Variants in RP1 observed in about 807,000 individuals in gnomAD.
RP1 encodes oxygen-regulated protein 1.
A neutral mutation model predicts 14.8 loss-of-function variants in RP1; 16 were observed. The ratio of observed to expected loss-of-function variants is 1.08; its 90% CI spans 0.73 to 1.65. The LOEUF is 1.65. Among genes scored for constraint, RP1 ranks in the 40% most tolerant of loss-of-function variants. RP1 has a pLI of 0.00. For missense variants in RP1, 2,631 were observed against 2,535.0 expected (o/e 1.04, Z -0.81); for synonymous variants, 876 against 883.6 (o/e 0.99, Z 0.15).
intron 19 of RP1, among the ~76,000 whole-genome samples, chr8:54,747,320 C>G (rs751584168): frequency 6.6e-6 from 1 of 152,190 alleles, no homozygotes; most frequent in Non-Finnish European, 1.5e-5. Context: ...CTGGTCTTCT[C>G]CTGCTTTAGA....
In RP1 at chr8:54,852,524, A is replaced by G. The variant is rs1812080101; in HGVS notation, c.3836-50A>G. The G allele has an allele frequency of 1.7e-6, 2 of 1,167,324 alleles. 1 individual carries two copies. The highest frequency in any genetic ancestry group is 8.7e-5 in the South Asian group (2 of 22,988). 72.3% of individuals were successfully genotyped at this position (1,167,324 alleles called of 1,614,324 possible). On this transcript the variant is annotated intron_variant, in intron 25 of 28. Transcript: ENST00000637698. ...CTTGCAGAATATCTAACTACATTCA[A>G]AGAGATAAATAAAAATGAGAAAGAT...
Position 54,629,813 on chromosome 8 carries a change from A to G in RP1, c.5931A>G (p.Arg1977=). 1.2e-6 allele frequency: 2 copies of G among 1,612,662 alleles called. No individual in the cohort carries two copies. The highest frequency in any genetic ancestry group is 1.1e-5 in the South Asian group (1 of 90,686). The part of the protein sequence containing the change: ...FREENNKASM[R]QNLIDNAIGD... The stretch of plus-strand genomic sequence containing the variant: ...AAGAGAACAATAAAGCAAGTATGAG[A>G]CAAAATCTTATTGATAATGCCATTG... The change falls in exon 4 of 4, where the codon AGA becomes AGG. Residue 1977 remains arginine, a synonymous_variant. Coordinates refer to ENST00000220676, the MANE Select transcript of RP1 (RefSeq NM_006269.2).
At chr8:54,861,590 A>ATTCTTTTTTTCTTTTCTT (rs1812343723) in intron 27 of RP1, among the ~76,000 whole-genome samples, 2 of 152,080 alleles carry the variant, frequency 1.3e-5, no homozygotes, top group Non-Finnish European at 2.9e-5. Flanking sequence ...TGAAATAAAC[A>ATTCTTTTTTTCTTTTCTT]TTCTTTTTTT....
chr8:54,567,269 T>C (rs73679482), intron 1 of RP1, among the ~76,000 whole-genome samples: 372 of 152,320 alleles, frequency 2.4e-3, no homozygotes, highest in African/African-American at 8.7e-3. Context: ...ACTGTTACCA[T>C]CAGCTAAGGG....
At chr8:54,772,684 C>T (rs1291616693), downstream of RP1, among the ~76,000 whole-genome samples, 6 of 152,160 alleles carry the variant, frequency 3.9e-5, no homozygotes, top group African/African-American at 1.2e-4. Context: ...TGCCTAAAGT[C>T]ACACAAACAG....
At chr8:54,636,707 C>T (rs1806353072) in intron 3 of RP1, among the ~76,000 whole-genome samples, 1 of 152,152 alleles carries the variant, frequency 6.6e-6, no homozygotes, top group African/African-American at 2.4e-5. Context: ...CACTGTACCC[C>T]AGCCTGGGCG....
chr8:54,730,400 T>C (rs1808765641), intron 17 of RP1, among the ~76,000 whole-genome samples: 1 of 152,122 alleles, frequency 6.6e-6, no homozygotes, highest in African/African-American at 2.4e-5. Flanking sequence ...TTTTAGACTC[T>C]TCACCTTTAT....
intron 6 of RP1, chr8:54,656,351 G>A: frequency 1.2e-6 from 1 of 860,588 alleles, no homozygotes; most frequent in South Asian, 2.0e-5. Context: ...CCTCTCTGAT[G>A]TGGCAGCTGC....
At chr8:54,698,960 C>G (rs1231990312) in intron 12 of RP1, among the ~76,000 whole-genome samples, 1 of 152,036 alleles carries the variant, frequency 6.6e-6, no homozygotes, top group Admixed American at 6.6e-5. Context: ...ATGGGTGCAG[C>G]AAACCAACAT....
intron 24 of RP1, among the ~76,000 whole-genome samples, chr8:54,785,631 C>A (rs1271435303): frequency 6.6e-5 from 10 of 152,032 alleles, no homozygotes; most frequent in African/African-American, 2.4e-4. Context: ...GTAGCTGCAC[C>A]ATTTTTACAC....
chr8:54,620,708 C>A (rs1368768418), intron 1 of RP1, among the ~76,000 whole-genome samples: 1 of 151,940 alleles, frequency 6.6e-6, no homozygotes, highest in Non-Finnish European at 1.5e-5. Context: ...TTTATCTAGG[C>A]CCTTATTCGT....
At chr8:54,649,737 G>A (rs1806618724) in intron 4 of RP1, among the ~76,000 whole-genome samples, 1 of 152,190 alleles carries the variant, frequency 6.6e-6, no homozygotes, top group Admixed American at 6.5e-5. Context: ...TGGATGCACA[G>A]AAGGATTGGT....
At chr8:54,826,458 T>G (rs1236769339) in intron 24 of RP1, among the ~76,000 whole-genome samples, 1 of 152,244 alleles carries the variant, frequency 6.6e-6, no homozygotes, top group Non-Finnish European at 1.5e-5. Context: ...TGGAGTTCTT[T>G]GTTCCATGAT....
intron 1 of RP1, among the ~76,000 whole-genome samples, chr8:54,592,384 A>C (rs886294244): frequency 6.6e-6 from 1 of 152,172 alleles, no homozygotes; most frequent in South Asian, 2.1e-4. Flanking sequence ...CTGTACAATT[A>C]TGTTCCTGGT....
intron 19 of RP1, among the ~76,000 whole-genome samples, chr8:54,749,862 C>CTT (rs76358471): frequency 1.4e-5 from 2 of 139,932 alleles, no homozygotes; most frequent in Admixed American, 7.2e-5. Context: ...TTGGAGGTTT[C>CTT]TTTTTTTTTT....
chr8:54,744,083 TG>T (rs1218399437), intron 19 of RP1, among the ~76,000 whole-genome samples: 13 of 152,198 alleles, frequency 8.5e-5, no homozygotes, highest in Non-Finnish European at 1.5e-4. Flanking sequence ...AAATTCACCA[TG>T]GGGTCATATT....
intron 20 of RP1, chr8:54,755,018 T>C (rs1809466510): frequency 2.2e-6 from 3 of 1,336,118 alleles, no homozygotes; most frequent in African/African-American, 3.0e-5. Context: ...GCTATTTAGT[T>C]ACAGAATATT....
intron 13 of RP1, among the ~76,000 whole-genome samples, chr8:54,701,222 T>A (rs1760016228): frequency 1.3e-5 from 2 of 152,158 alleles, no homozygotes; most frequent in South Asian, 4.1e-4. Flanking sequence ...TATTAGGATC[T>A]TATTAAATTA....
chr8:54,672,810 C>G (rs1039357772), intron 7 of RP1, among the ~76,000 whole-genome samples: 1 of 151,944 alleles, frequency 6.6e-6, no homozygotes, highest in Non-Finnish European at 1.5e-5. Flanking sequence ...CCTTGAGGAC[C>G]CAACTAGTTC....
Sources: allele counts gnomAD v4.1 joint callset (sites outside exome capture counted in the v4.1 genomes callset), GRCh38; gene constraint gnomAD v4.1.1; transcripts MANE v1.5; gene names NCBI Gene and HGNC (gene_info 2026-07-23, HGNC 2026-07-21).